The following PCDH11X variants were observed in gnomAD, a reference collection of about 807,000 sequenced individuals.
The protein encoded by PCDH11X is protocadherin 11 X-linked, also known as protocadherin-11 X-linked.
Under a neutral mutation model 53.3 loss-of-function variants are expected in PCDH11X, and 18 were observed. The observed-to-expected ratio is 0.34, with a 90% CI of 0.23 to 0.50. PCDH11X has a LOEUF of 0.50. PCDH11X is among the 20% of genes least tolerant of loss of function. The probability of loss-of-function intolerance (pLI) is 0.98; values close to 1 mark genes in which losing one functional copy is unlikely to be tolerated. For missense variants in PCDH11X, 570 were observed against 1,032.4 expected, an observed-to-expected ratio of 0.55 and a Z score of 6.14; for synonymous variants, 279 against 393.3, an observed-to-expected ratio of 0.71 and a Z score of 3.44.
At chrX:92,406,357 C>G (rs1222375634) in intron 9 of PCDH11X, among the ~76,000 whole-genome samples, 4 of 106,410 alleles carry the variant, frequency 3.8e-5, no homozygotes, top group Non-Finnish European at 5.7e-5. Context: ...CTGATTTAAC[C>G]TGTTCATAAC....
At chrX:92,254,846 T>C (rs1295083697) in intron 7 of PCDH11X, among the ~76,000 whole-genome samples, 7 of 109,165 alleles carry the variant, frequency 6.4e-5, no homozygotes, top group East Asian at 2.9e-4. Flanking sequence ...GAGGGTAACC[T>C]GACCTTTCTC....
chrX:91,991,198 C>T (rs2062316036), intron 6 of PCDH11X, among the ~76,000 whole-genome samples: 1 of 95,872 alleles, frequency 1.0e-5, no homozygotes, highest in Non-Finnish European at 2.1e-5. Context: ...AAGTCTACAC[C>T]CTCCTCTTGG....
chrX:92,354,146 A>C (rs1173454402), intron 8 of PCDH11X, among the ~76,000 whole-genome samples: 1 of 100,065 alleles, frequency 1.0e-5, no homozygotes, highest in Non-Finnish European at 2.0e-5. Flanking sequence ...AAAGAATCAT[A>C]TAGATTTTAA....
At chrX:91,928,812 C>A (rs1382924756) in intron 6 of PCDH11X, among the ~76,000 whole-genome samples, 1 of 110,540 alleles carries the variant, frequency 9.0e-6, no homozygotes, top group Non-Finnish European at 1.9e-5. Flanking sequence ...GTATGATATT[C>A]ACTGCTCTGG....
chrX:91,983,594 C>T (rs1045305399), intron 6 of PCDH11X: 37 of 407,367 alleles, frequency 9.1e-5, no homozygotes, highest in Non-Finnish European at 1.4e-4. Context: ...GAGCCAGCTG[C>T]GGGGCCCAAC....
intron 8 of PCDH11X, among the ~76,000 whole-genome samples, chrX:92,381,802 C>A (rs1366341329): frequency 9.0e-6 from 1 of 111,498 alleles, no homozygotes; most frequent in African/African-American, 3.3e-5. Flanking sequence ...AGAGATGAAG[C>A]AGTGTTCAAA....
intron 6 of PCDH11X, among the ~76,000 whole-genome samples, chrX:91,886,770 G>C (rs1433279568): frequency 9.2e-6 from 1 of 108,875 alleles, no homozygotes; most frequent in Non-Finnish European, 1.9e-5. Context: ...AGGAGATCGA[G>C]ACCATCCTGG....
intron 8 of PCDH11X, among the ~76,000 whole-genome samples, chrX:92,355,822 T>C (rs2070191933): frequency 9.1e-6 from 1 of 109,756 alleles, no homozygotes; most frequent in South Asian, 3.9e-4. Context: ...TTTTGCACAT[T>C]TGTGACTGAT....
At chrX:92,391,518 G>A (rs1318269794) in intron 9 of PCDH11X, among the ~76,000 whole-genome samples, 2 of 111,099 alleles carry the variant, frequency 1.8e-5, no homozygotes, top group Admixed American at 9.6e-5. Context: ...TTTTTAAGTA[G>A]TCTCAGGTAA....
At chrX:92,530,582 C>T (rs910567552) in intron 10 of PCDH11X, among the ~76,000 whole-genome samples, 9 of 111,745 alleles carry the variant, frequency 8.1e-5, no homozygotes, top group South Asian at 3.6e-4. Flanking sequence ...CACAATAGTT[C>T]GGTGCTTGAA....
At chrX:92,028,758 C>T (rs1004311200) in intron 6 of PCDH11X, among the ~76,000 whole-genome samples, 1 of 104,698 alleles carries the variant, frequency 9.6e-6, no homozygotes, top group African/African-American at 3.5e-5. Flanking sequence ...ACCATGAAGC[C>T]CAGATACTCA....
chrX:92,584,236 G>A (rs1034972555), intron 10 of PCDH11X, among the ~76,000 whole-genome samples: 2 of 110,078 alleles, frequency 1.8e-5, no homozygotes, highest in Admixed American at 1.9e-4. Flanking sequence ...AAAAATAAGT[G>A]CAAAATAAAC....
chrX:92,026,012 C>T (rs2062964614), intron 6 of PCDH11X, among the ~76,000 whole-genome samples: 2 of 110,630 alleles, frequency 1.8e-5, no homozygotes, highest in South Asian at 3.9e-4. Flanking sequence ...CTTCTGGACA[C>T]ATAGAGGGGA....
At chrX:92,255,231 A>C (rs1474736955) in intron 7 of PCDH11X, among the ~76,000 whole-genome samples, 1 of 107,885 alleles carries the variant, frequency 9.3e-6, no homozygotes, top group African/African-American at 3.4e-5. Flanking sequence ...AGTTGATCGC[A>C]TCGGCTCCTG....
At chrX:91,823,317 T>C (rs1936770859) in intron 4 of PCDH11X, among the ~76,000 whole-genome samples, 1 of 110,652 alleles carries the variant, frequency 9.0e-6, no homozygotes, top group Non-Finnish European at 1.9e-5. Flanking sequence ...CTAAGTCTCT[T>C]TGTAGGTCAC....
chrX:92,136,523 T>C (rs760193870), intron 6 of PCDH11X, among the ~76,000 whole-genome samples: 2 of 107,396 alleles, frequency 1.9e-5, no homozygotes, highest in Admixed American at 2.0e-4. Flanking sequence ...TCTTGTTGAA[T>C]TCAAATTTTA....
chrX:92,519,062 T>G (rs2074323039), intron 10 of PCDH11X, among the ~76,000 whole-genome samples: 1 of 110,856 alleles, frequency 9.0e-6, no homozygotes. Flanking sequence ...TGCTGCTTAC[T>G]ATACTGTTTG....
intron 6 of PCDH11X, among the ~76,000 whole-genome samples, chrX:91,885,460 C>T (rs1940153146): frequency 1.8e-5 from 2 of 109,781 alleles, no homozygotes. Flanking sequence ...AATGACGAAG[C>T]CCAGAAAAGT....
At chrX:92,118,776 C>CTGTCACCT (rs1337187344) in intron 6 of PCDH11X, among the ~76,000 whole-genome samples, 2 of 73,160 alleles carry the variant, frequency 2.7e-5, no homozygotes, top group Non-Finnish European at 2.3e-5. Context: ...GAGTCTTGCT[C>CTGTCACCT]TGTCACCTAG....
Sources: gnomAD v4.1 joint callset for allele counts (sites outside exome capture counted in the v4.1 genomes callset) on GRCh38, gnomAD v4.1.1 for gene constraint, MANE v1.5 for transcripts, NCBI Gene and HGNC (gene_info 2026-07-23, HGNC 2026-07-21) for gene names.